The following GGA2 variants were observed in gnomAD, a reference collection of about 807,000 sequenced individuals.
GGA2 encodes golgi associated, gamma adaptin ear containing, ARF binding protein 2, also known as ADP-ribosylation factor-binding protein GGA2.
In GGA2, 48 loss-of-function variants were observed where a neutral mutation model predicts 79.5. That is an observed-to-expected ratio of 0.60 (90% CI 0.48 to 0.77). The LOEUF (loss-of-function observed/expected upper bound fraction) is 0.77. Ranked by LOEUF, GGA2 falls within the 30% of genes least tolerant of loss-of-function variation. The probability of loss-of-function intolerance (pLI) is 0.00; values close to 1 mark genes in which losing one functional copy is unlikely to be tolerated. For missense variants in GGA2, 770 were observed against 774.0 expected, an observed-to-expected ratio of 0.99 and a Z score of 0.06; for synonymous variants, 317 against 302.0, an observed-to-expected ratio of 1.05 and a Z score of -0.51.
chr16:23,524,342 C>T (rs759447363), upstream of GGA2: 10 of 1,591,848 alleles, frequency 6.3e-6, no homozygotes, highest in South Asian at 1.1e-5. Flanking sequence ...GTTCTTAGGG[C>T]GATCTCCACT....
intron 9 of GGA2, 82 bp from the exon 10 acceptor site, chr16:23,480,852 C>G (rs1160335846): frequency 3.0e-6 from 4 of 1,334,894 alleles, no homozygotes; most frequent in East Asian, 2.3e-5. Context: ...CATAAAACAG[C>G]CTTCATATGG....
In GGA2 at chr16:23,479,895, G is replaced by A. The variant is rs769358855; in HGVS notation, c.1007-8C>T. ...CTGCTGGATTCTGAAAGACTAGAAA[G>A]CCCAGGGTTAGGAAGAGAAGTCAGT... On this transcript the variant is annotated splice_region_variant and splice_polypyrimidine_tract_variant and intron_variant, in intron 10 of 16. Transcript: ENST00000309859. 2 of 1,613,838 alleles carry A rather than the reference G, an allele frequency of 1.2e-6. No homozygotes were observed. The highest frequency in any genetic ancestry group is 1.7e-6 in the Non-Finnish European group (2 of 1,179,854).
chr16:23,489,788 T>C (rs183529750), intron 5 of GGA2, among the ~76,000 whole-genome samples: 7 of 152,238 alleles, frequency 4.6e-5, no homozygotes, highest in Non-Finnish European at 7.4e-5. Flanking sequence ...CGGGAAGGCC[T>C]GAAGGCGGGA....
At chr16:23,499,302 G>A (rs1023992664) in intron 1 of GGA2, among the ~76,000 whole-genome samples, 2 of 152,024 alleles carry the variant, frequency 1.3e-5, no homozygotes, top group African/African-American at 4.8e-5. Flanking sequence ...CCACCAACAT[G>A]ACTGGCTAAT....
intron 8 of GGA2, among the ~76,000 whole-genome samples, chr16:23,484,022 C>A (rs537772080): frequency 7.3e-5 from 11 of 149,816 alleles, no homozygotes; most frequent in Non-Finnish European, 1.6e-4. Context: ...GGCATGGTGG[C>A]TCATGCCTGT....
In GGA2 at chr16:23,467,624, T is replaced by G. The variant is rs1374543411; in HGVS notation, c.1808A>C (p.Asp603Ala). 2.5e-6 allele frequency: 4 copies of G among 1,603,924 alleles called. No individual in the cohort carries two copies. Among genetic ancestry groups the G allele is most frequent in the Non-Finnish European group, 3.4e-6 (4 of 1,170,994 alleles). Residue 603 changes from aspartate (D) to alanine (A), a missense_variant, in exon 17 of 17, where the codon GAC becomes GCC. Physicochemically the swap from Asp to Ala is moderately radical, Grantham distance 126 (BLOSUM62 -2). Coordinates refer to ENST00000309859, the MANE Select transcript of GGA2 (RefSeq NM_015044.4). ...QPFSEVGEVK[D>A]FPDLAVLGAA ...GCCCAAGACAGCCAGGTCTGGGAAG[T>G]CTTTCACTTCTCCTACTTCGCTGAA...
intron 1 of GGA2, among the ~76,000 whole-genome samples, chr16:23,501,828 G>GTGAT (rs1023817723): frequency 6.6e-5 from 10 of 152,304 alleles, no homozygotes; most frequent in African/African-American, 2.4e-4. Flanking sequence ...AAGGAACTGG[G>GTGAT]TGATGGTGGT....
chr16:23,491,594 A>G, intron 5 of GGA2, 83 bp downstream of exon 5: 1 of 1,345,544 alleles, frequency 7.4e-7, no homozygotes, highest in Non-Finnish European at 1.0e-6. Context: ...ACAGCTTTCA[A>G]CAAAAAATTA....
intron 7 of GGA2, 109 bp from the exon 8 acceptor site, chr16:23,486,261 C>T: frequency 2.1e-6 from 2 of 956,190 alleles, no homozygotes; most frequent in Non-Finnish European, 1.6e-6. Flanking sequence ...AGGGGCATCA[C>T]CAGGATGTTA....
upstream of GGA2, among the ~76,000 whole-genome samples, chr16:23,513,443 G>A (rs1256824367): frequency 6.6e-6 from 1 of 151,998 alleles, no homozygotes; most frequent in African/African-American, 2.4e-5. Context: ...ACAAAACCTA[G>A]ACATATTACT....
intron 1 of GGA2, among the ~76,000 whole-genome samples, chr16:23,505,668 T>A (rs1389071892): frequency 1.3e-5 from 2 of 152,122 alleles, no homozygotes; most frequent in Non-Finnish European, 2.9e-5. Context: ...GGCTCTGGGT[T>A]GGGTACTGTC....
At chr16:23,516,668 C>G (rs1965105195) in intron 2 of GGA2, among the ~76,000 whole-genome samples, 1 of 152,122 alleles carries the variant, frequency 6.6e-6, no homozygotes, top group South Asian at 2.1e-4. Flanking sequence ...TAATTGAACC[C>G]TAACTTTGCT....
In GGA2 at chr16:23,467,432, AC is replaced by A; in HGVS notation, c.*157del. Reference sequence around the variant, plus strand: ...CACACACACACACACACACACACACACAGAGCATCTGCAGAATAAGTCAGAG... The same window carrying A: ...CACACACACACACACACACACACACAAGAGCATCTGCAGAATAAGTCAGAG... On this transcript the variant is annotated 3_prime_UTR_variant, in exon 17 of 17. Coordinates refer to ENST00000309859, the MANE Select transcript of GGA2 (RefSeq NM_015044.4). The A allele has an allele frequency of 1.6e-6, 1 of 616,906 alleles. No individual in the cohort carries two copies. Among genetic ancestry groups the A allele is most frequent in the Non-Finnish European group, 2.9e-6 (1 of 340,066 alleles). 38.2% of individuals were successfully genotyped at this position (616,906 alleles called of 1,614,324 possible). A position where few individuals can be genotyped will look rare whatever the true frequency, so the allele number is the denominator to read the frequency against.
At chr16:23,501,239 G>A (rs1230461233) in intron 1 of GGA2, 3 of 451,522 alleles carry the variant, frequency 6.6e-6, no homozygotes, top group Non-Finnish European at 1.3e-5. Context: ...GGTGTACATC[G>A]AACGACTTTT....
intron 14 of GGA2, among the ~76,000 whole-genome samples, chr16:23,472,184 G>GT (rs749688834): frequency 0.025 from 1,355 of 54,862 alleles, 83 homozygotes; most frequent in African/African-American, 0.055. Flanking sequence ...TGTAGCCCTG[G>GT]TTTTTTTTTT....
upstream of GGA2, among the ~76,000 whole-genome samples, chr16:23,512,773 C>G (rs1436244634): frequency 8.2e-6 from 1 of 122,606 alleles, no homozygotes; most frequent in African/African-American, 3.2e-5. Context: ...GGTGCAATCT[C>G]AGTTCACTGC....
chr16:23,502,559 G>A (rs1335468625), intron 1 of GGA2, among the ~76,000 whole-genome samples: 2 of 152,198 alleles, frequency 1.3e-5, no homozygotes, highest in Non-Finnish European at 2.9e-5. Flanking sequence ...TTCTAACACA[G>A]GGACACACTG....
At chr16:23,497,631 T>C (rs1471904051) in intron 1 of GGA2, among the ~76,000 whole-genome samples, 1 of 152,202 alleles carries the variant, frequency 6.6e-6, no homozygotes, top group Non-Finnish European at 1.5e-5. Flanking sequence ...TTCCGTATCT[T>C]AAAATCCTAT....
At position 23,468,912 on chromosome 16, in the gene GGA2, T is replaced by A; in HGVS notation, c.1705A>T (p.Met569Leu). Residue 569 changes from methionine (M) to leucine (L), a missense_variant, in exon 16 of 17, where the codon ATG becomes TTG. Transcript: ENST00000309859. ...PLMPPAVISQ[M>L]LLLDNPHKEP... is the part of the protein sequence containing the mutation. ...TTGTGTGGATTGTCAAGCAGCAGCA[T>A]CTGAGATATCACAGCTGGAGGCATC... 6.2e-7 allele frequency: 1 copy of A among 1,608,132 alleles called. No individual in the cohort carries two copies. Among genetic ancestry groups the A allele is most frequent in the Non-Finnish European group, 8.5e-7 (1 of 1,174,604 alleles).
Sources: allele counts gnomAD v4.1 joint callset (sites outside exome capture counted in the v4.1 genomes callset), GRCh38; gene constraint gnomAD v4.1.1; transcripts MANE v1.5; gene names NCBI Gene and HGNC (gene_info 2026-07-23, HGNC 2026-07-21).